The following CDH19 variants were observed in gnomAD, a reference collection of about 807,000 sequenced individuals.
The protein encoded by CDH19 is cadherin 19.
CDH19 carries 67 observed loss-of-function variants against 64.2 expected under a neutral mutation model. The ratio of observed to expected loss-of-function variants is 1.04; its 90% CI spans 0.86 to 1.28. The LOEUF is 1.28. Among genes scored for constraint, CDH19 ranks in the 50% most tolerant of loss-of-function variants. The probability of loss-of-function intolerance (pLI) is 0.00; values close to 1 mark genes in which losing one functional copy is unlikely to be tolerated. For synonymous variants in CDH19, 346 were observed against 319.3 expected (o/e 1.08, Z -0.89); for missense variants, 1,030 against 929.0 (o/e 1.11, Z -1.41).
chr18:66,547,658 T>C (rs1987167290), intron 5 of CDH19, among the ~76,000 whole-genome samples: 1 of 138,694 alleles, frequency 7.2e-6, no homozygotes, highest in Admixed American at 7.5e-5. Context: ...AAGTGTGTGT[T>C]AGGTTTTTTT....
At chr18:66,516,398 T>C (rs1446228505) in intron 9 of CDH19, among the ~76,000 whole-genome samples, 1 of 152,060 alleles carries the variant, frequency 6.6e-6, no homozygotes, top group Non-Finnish European at 1.5e-5. Flanking sequence ...ATCACAATTA[T>C]GGAATGTGTT....
At chr18:66,517,874 T>C (rs998972329) in intron 9 of CDH19, among the ~76,000 whole-genome samples, 8 of 152,110 alleles carry the variant, frequency 5.3e-5, no homozygotes, top group Admixed American at 4.6e-4. Flanking sequence ...GGGTGTTTTT[T>C]ATATTTTTAA....
At position 66,554,438 on chromosome 18, in the gene CDH19, CT is replaced by C; in HGVS notation, c.576del (p.Gly193AlafsTer14). 1 of 1,611,858 alleles carries C rather than the reference CT, an allele frequency of 6.2e-7. No homozygotes were observed. The highest frequency in any genetic ancestry group is 1.1e-5 in the South Asian group (1 of 90,982). On this transcript the variant is annotated frameshift_variant, in exon 4 of 12. Coordinates refer to ENST00000262150, the MANE Select transcript of CDH19 (RefSeq NM_021153.4). LOFTEE classifies it high-confidence loss of function. ...GGTTCAACAGAAAAATATGGCTGGC[CT>C]TGAAGTAAGCTGTAGAGGAGACGAG... is the stretch of plus-strand genomic sequence containing the variant. ...NNARLLYSLL[Q>X]GQPYFSVEPT...
intron 5 of CDH19, among the ~76,000 whole-genome samples, chr18:66,548,361 G>T (rs1987215120): frequency 8.8e-6 from 1 of 113,298 alleles, no homozygotes. Flanking sequence ...TATTTAATAT[G>T]AGGTTCTCAG....
chr18:66,529,106 A>C (rs1326002685), intron 9 of CDH19, among the ~76,000 whole-genome samples: 4 of 152,038 alleles, frequency 2.6e-5, no homozygotes, highest in African/African-American at 9.7e-5. Context: ...AGTGAGCAGC[A>C]GATAAGAAAG....
chr18:66,505,619 A>G (rs1985162116), intron 11 of CDH19, among the ~76,000 whole-genome samples: 1 of 136,470 alleles, frequency 7.3e-6, no homozygotes, highest in African/African-American at 2.5e-5. Context: ...GAACAATTTA[A>G]CATTCAAAAT....
Position 66,573,577 on chromosome 18 carries a change from G to C in CDH19, c.-112-1261C>G, listed in dbSNP as rs998474254. On this transcript the variant is annotated intron_variant, in intron 1 of 11. Coordinates refer to ENST00000262150, the MANE Select transcript of CDH19 (RefSeq NM_021153.4). ...GAAATTGCTAAAATATATATTTTTG[G>C]TAGCTGATGAATAAAAATATTTGGA... Among the ~76,000 whole-genome samples, 26 of 151,330 alleles carry C rather than the reference G, an allele frequency of 1.7e-4. 1 individual carries two copies. In the Admixed American group the frequency reaches 1.7e-3, roughly 10 times the overall value.
At position 66,597,596 on chromosome 18, in the gene CDH19, A is replaced by G. The variant is rs79630244; in HGVS notation, c.-113+6358T>C. ...GATTGGAACAAAAATTAAAATTGAC[A>G]TGTGGGACCTAATCAAACTAAAGAG... On this transcript the variant is annotated intron_variant, in intron 1 of 11. Coordinates refer to ENST00000262150, the MANE Select transcript of CDH19 (RefSeq NM_021153.4). Among the ~76,000 whole-genome samples, 402 of 152,292 alleles carry G rather than the reference A, an allele frequency of 2.6e-3. 2 individuals carry two copies. Among genetic ancestry groups the G allele is most frequent in the African/African-American group, 9.2e-3 (382 of 41,584 alleles).
At chr18:66,580,837 T>C (rs1988400706) in intron 1 of CDH19, among the ~76,000 whole-genome samples, 1 of 152,146 alleles carries the variant, frequency 6.6e-6, no homozygotes, top group Non-Finnish European at 1.5e-5. Context: ...GCTTTGTTTA[T>C]ACTCCTCTAT....
At chr18:66,543,219 G>A (rs1439032313) in intron 7 of CDH19, among the ~76,000 whole-genome samples, 8 of 152,056 alleles carry the variant, frequency 5.3e-5, no homozygotes, top group Non-Finnish European at 1.0e-4. Context: ...TAGTAGAGAC[G>A]GGGTTTCACA....
At position 66,573,557 on chromosome 18, in the gene CDH19, T is replaced by A. The variant is rs573283343; in HGVS notation, c.-112-1241A>T. ...TCAGATAAATCTGCTCTTTAGAAAT[T>A]GCTAAAATATATATTTTTGGTAGCT... On this transcript the variant is annotated intron_variant, in intron 1 of 11. Coordinates refer to ENST00000262150, the MANE Select transcript of CDH19 (RefSeq NM_021153.4). Among the ~76,000 whole-genome samples the A allele has an allele frequency of 1.5e-4, 23 of 151,762 alleles. 1 individual carries two copies. In the South Asian group the frequency reaches 4.6e-3, roughly 30 times the overall value.
chr18:66,530,665 T>G (rs1986408265), intron 8 of CDH19, among the ~76,000 whole-genome samples: 1 of 152,038 alleles, frequency 6.6e-6, no homozygotes, highest in Admixed American at 6.6e-5. Flanking sequence ...AAAAAGACAT[T>G]TCAGAAAAAA....
At chr18:66,568,321 T>C (rs904830243) in intron 3 of CDH19, 95 bp downstream of exon 3, 2 of 927,540 alleles carry the variant, frequency 2.2e-6, no homozygotes, top group African/African-American at 1.7e-5. Flanking sequence ...AGTTCTAGTA[T>C]AGACCCTTAA....
chr18:66,549,910 A>G (rs1354528828), intron 5 of CDH19, among the ~76,000 whole-genome samples: 1 of 152,138 alleles, frequency 6.6e-6, no homozygotes, highest in African/African-American at 2.4e-5. Flanking sequence ...AACTACTGGA[A>G]GGAAGTCAGT....
intron 3 of CDH19, among the ~76,000 whole-genome samples, chr18:66,567,398 G>A (rs1266499682): frequency 6.6e-6 from 1 of 151,356 alleles, no homozygotes; most frequent in Non-Finnish European, 1.5e-5. Flanking sequence ...AAGGTGAACT[G>A]TTTCTTTGCC....
At chr18:66,577,285 G>C (rs72936226) in intron 1 of CDH19, among the ~76,000 whole-genome samples, 1 of 151,856 alleles carries the variant, frequency 6.6e-6, no homozygotes, top group Non-Finnish European at 1.5e-5. Flanking sequence ...ATAACTCAAA[G>C]AACATTTTAA....
At chr18:66,516,419 A>T (rs983245458) in intron 9 of CDH19, among the ~76,000 whole-genome samples, 1 of 152,082 alleles carries the variant, frequency 6.6e-6, no homozygotes, top group Non-Finnish European at 1.5e-5. Flanking sequence ...ATTTTAAATG[A>T]GAAACAATAC....
intron 3 of CDH19, among the ~76,000 whole-genome samples, chr18:66,565,038 T>G (rs1248986164): frequency 6.6e-6 from 1 of 152,006 alleles, no homozygotes; most frequent in South Asian, 2.1e-4. Context: ...TAATCACTTA[T>G]TTAGCATTTT....
intron 3 of CDH19, 50 bp downstream of exon 3, chr18:66,568,366 A>T: frequency 7.1e-7 from 1 of 1,410,058 alleles, no homozygotes; most frequent in Non-Finnish European, 9.8e-7. Flanking sequence ...TTCAAATTTT[A>T]AACCTGCTTC....
Sources: gnomAD v4.1 joint callset for allele counts (sites outside exome capture counted in the v4.1 genomes callset) on GRCh38, gnomAD v4.1.1 for gene constraint, MANE v1.5 for transcripts, NCBI Gene and HGNC (gene_info 2026-07-23, HGNC 2026-07-21) for gene names.